Variants in ATAD1 observed in about 807,000 individuals in gnomAD.
ATAD1 encodes outer mitochondrial transmembrane helix translocase.
A neutral mutation model predicts 42.7 loss-of-function variants in ATAD1; 18 were observed. The ratio of observed to expected loss-of-function variants is 0.42; its 90% CI spans 0.29 to 0.63. ATAD1 has a LOEUF of 0.63. Ranked by LOEUF, ATAD1 falls within the 20% of genes least tolerant of loss-of-function variation. ATAD1 has a pLI of 0.19. For synonymous variants in ATAD1, 132 were observed against 143.1 expected, an observed-to-expected ratio of 0.92 and a Z score of 0.55; for missense variants, 294 against 440.4, an observed-to-expected ratio of 0.67 and a Z score of 2.98.
chr10:87,821,366 A>T (rs539223175), upstream of ATAD1, among the ~76,000 whole-genome samples: 13 of 150,516 alleles, frequency 8.6e-5, no homozygotes, highest in South Asian at 1.5e-3. Flanking sequence ...TGTTTCTACT[A>T]AAAAAAAATA....
At chr10:87,791,887 G>A (rs1856138025) in intron 3 of ATAD1, among the ~76,000 whole-genome samples, 1 of 152,110 alleles carries the variant, frequency 6.6e-6, no homozygotes, top group Non-Finnish European at 1.5e-5. Flanking sequence ...GACTCAAAGA[G>A]GAAATCATTT....
At chr10:87,762,474 T>C (rs1450992534) in intron 8 of ATAD1, among the ~76,000 whole-genome samples, 1 of 152,002 alleles carries the variant, frequency 6.6e-6, no homozygotes, top group Non-Finnish European at 1.5e-5. Context: ...TACACTTTTT[T>C]TTTTTTTGAG....
chr10:87,802,175 T>C (rs762484497), intron 2 of ATAD1, among the ~76,000 whole-genome samples: 28 of 152,306 alleles, frequency 1.8e-4, no homozygotes, highest in Non-Finnish European at 3.1e-4. Context: ...CAGGACACAA[T>C]TGGAGAAACT....
upstream of ATAD1, among the ~76,000 whole-genome samples, chr10:87,820,801 C>T (rs1857618358): frequency 6.6e-6 from 1 of 152,136 alleles, no homozygotes; most frequent in South Asian, 2.1e-4. Context: ...ACATCAAGTA[C>T]ATTCATTTTC....
intron 6 of ATAD1, among the ~76,000 whole-genome samples, chr10:87,773,194 A>G (rs987169709): frequency 7.9e-5 from 12 of 152,150 alleles, no homozygotes; most frequent in Non-Finnish European, 1.5e-4. Context: ...ACAAAACATA[A>G]TTTTTTTATC....
chr10:87,777,218 G>A (rs1342036485), intron 5 of ATAD1, among the ~76,000 whole-genome samples: 1 of 152,112 alleles, frequency 6.6e-6, no homozygotes, highest in Non-Finnish European at 1.5e-5. Context: ...TAGGTCACCT[G>A]AACCCTATGT....
At chr10:87,838,461 CAAAAAAAAAAAAAAA>C (rs770282016) in intron 1 of ATAD1, among the ~76,000 whole-genome samples, 1 of 42,628 alleles carries the variant, frequency 2.3e-5, no homozygotes, top group Non-Finnish European at 4.2e-5. Flanking sequence ...GACTCTATCT[CAAAAAAAAAAAAAAA>C]AAAAAAAAAA....
chr10:87,757,622 C>T (rs958423840), intron 8 of ATAD1, among the ~76,000 whole-genome samples: 3 of 152,114 alleles, frequency 2.0e-5, no homozygotes, highest in Non-Finnish European at 4.4e-5. Flanking sequence ...GAGACCTGGA[C>T]AGGTAAACAC....
intron 2 of ATAD1, among the ~76,000 whole-genome samples, chr10:87,803,988 A>C (rs1322960756): frequency 6.6e-6 from 1 of 152,184 alleles, no homozygotes; most frequent in African/African-American, 2.4e-5. Context: ...TCAGTCTTAT[A>C]AGACTCAGCT....
At chr10:87,790,252 A>G in intron 4 of ATAD1, 58 bp downstream of exon 4, 1 of 1,578,610 alleles carries the variant, frequency 6.3e-7, no homozygotes. Context: ...CAATGGCAGA[A>G]AGTTTCAATG....
chr10:87,811,434 C>A (rs1857179292), intron 2 of ATAD1, among the ~76,000 whole-genome samples: 1 of 152,158 alleles, frequency 6.6e-6, no homozygotes, highest in South Asian at 2.1e-4. Context: ...CCCATACTGA[C>A]CTATTCATTC....
At chr10:87,759,970 C>T (rs1854405671) in intron 8 of ATAD1, among the ~76,000 whole-genome samples, 1 of 152,110 alleles carries the variant, frequency 6.6e-6, no homozygotes, top group African/African-American at 2.4e-5. Context: ...ACTCTGAAGG[C>T]AATTCCCAAG....
chr10:87,807,256 A>C (rs1016869620), intron 2 of ATAD1, among the ~76,000 whole-genome samples: 1 of 152,114 alleles, frequency 6.6e-6, no homozygotes, highest in African/African-American at 2.4e-5. Flanking sequence ...TTTCCATTAC[A>C]AGCAGGGCTG....
intron 1 of ATAD1, among the ~76,000 whole-genome samples, chr10:87,837,714 A>G (rs1167020237): frequency 6.6e-6 from 1 of 152,114 alleles, no homozygotes; most frequent in African/African-American, 2.4e-5. Flanking sequence ...GGGCTACACT[A>G]TGTCCAGGGC....
chr10:87,818,255 G>A (rs1344002041), upstream of ATAD1: 2 of 985,492 alleles, frequency 2.0e-6, no homozygotes, highest in Non-Finnish European at 2.4e-6. Flanking sequence ...TCCGGCGGGA[G>A]GCGCGGCGCA....
intron 4 of ATAD1, 140 bp from the exon 5 acceptor site, chr10:87,784,810 G>T: frequency 1.3e-6 from 1 of 765,624 alleles, no homozygotes. Flanking sequence ...TTTATAGTAG[G>T]TAAGATAGAA....
At chr10:87,833,101 T>C (rs531159790) in intron 1 of ATAD1, 1 of 152,352 alleles carries the variant, frequency 6.6e-6, no homozygotes, top group African/African-American at 2.4e-5. Context: ...CTTCCAGTTC[T>C]GAACATAGTA....
upstream of ATAD1, among the ~76,000 whole-genome samples, chr10:87,821,222 G>T (rs1409217015): frequency 6.6e-6 from 1 of 152,026 alleles, no homozygotes; most frequent in African/African-American, 2.4e-5. Context: ...TGGGAAGAAA[G>T]GATTCCTTAA....
chr10:87,787,450 T>C (rs1855892887), intron 4 of ATAD1, among the ~76,000 whole-genome samples: 1 of 152,056 alleles, frequency 6.6e-6, no homozygotes, highest in Non-Finnish European at 1.5e-5. Context: ...AGACCCTGTC[T>C]CTACAAAAAA....
Sources: allele counts gnomAD v4.1 joint callset (sites outside exome capture counted in the v4.1 genomes callset), GRCh38; gene constraint gnomAD v4.1.1; transcripts MANE v1.5; gene names NCBI Gene and HGNC (gene_info 2026-07-23, HGNC 2026-07-21).